Variants in PTCD3 observed in about 807,000 individuals in gnomAD.
PTCD3 encodes pentatricopeptide repeat domain 3, also known as small ribosomal subunit protein mS39.
PTCD3 carries 89 observed loss-of-function variants against 101.9 expected under a neutral mutation model. That is an observed-to-expected ratio of 0.87 (90% confidence interval 0.74 to 1.04). PTCD3 has a LOEUF of 1.04. Ranked by LOEUF, PTCD3 falls within the 50% of genes least tolerant of loss-of-function variation. The probability of loss-of-function intolerance (pLI) is 0.00; values close to 1 mark genes in which losing one functional copy is unlikely to be tolerated. For missense variants in PTCD3, 870 were observed against 828.2 expected (o/e 1.05, Z -0.62); for synonymous variants, 296 against 278.5 (o/e 1.06, Z -0.63).
Position 86,106,243 on chromosome 2 carries a change from C to G in PTCD3, c.-5C>G. 6.2e-7 allele frequency: 1 copy of G among 1,613,810 alleles called. No individual in the cohort carries two copies. Among genetic ancestry groups the G allele is most frequent in the African/African-American group, 1.3e-5 (1 of 75,056 alleles). On this transcript the variant is annotated 5_prime_UTR_variant, in exon 1 of 24. The change creates a new upstream start codon in the 5' untranslated region. Coordinates refer to ENST00000254630, the MANE Select transcript of PTCD3 (RefSeq NM_017952.6). ...TTCCCAACATGCTCTGCAGAGAAAT[C>G]AAAGATGGCGGTTGTATCTGCTGTT...
intron 4 of PTCD3, 133 bp downstream of exon 4, chr2:86,111,291 T>C (rs533873458): frequency 1.1e-5 from 10 of 932,626 alleles, no homozygotes; most frequent in Non-Finnish European, 1.6e-5. Context: ...CTAGAAAGTT[T>C]CTTTAAAATT....
rs1674667351 is a variant in PTCD3 at position 86,140,680 on chromosome 2, AT to A, written c.*3124del. 1 of 152,104 alleles carries A rather than the reference AT, an allele frequency of 6.6e-6. No individual in the cohort carries two copies. The highest frequency in any genetic ancestry group is 2.4e-5 in the African/African-American group (1 of 41,406). 9.4% of individuals were successfully genotyped at this position (152,104 alleles called of 1,614,324 possible). ...TTTACCAAAAAAATGGGTGTATTTG[AT>A]TTGGGTGCTGTAAGGCAATTTGCTA... On this transcript the variant is annotated 3_prime_UTR_variant, in exon 24 of 24. Transcript: ENST00000254630.
rs932690813 is a variant in PTCD3 at position 86,138,999 on chromosome 2, G to A, written c.*1440G>A. 2 of 152,142 alleles carry A rather than the reference G, an allele frequency of 1.3e-5. No individual in the cohort carries two copies. Among genetic ancestry groups the A allele is most frequent in the African/African-American group, 4.8e-5 (2 of 41,424 alleles). The allele number at this position is 152,142 out of a possible 1,614,324, so 9.4% of individuals were successfully genotyped here. Reference sequence around the variant, plus strand: ...GAGTTGATAGGAGAAAATCCATTTGGGTAGATGGCCTATGAATTTGTAGTA... The same window carrying A: ...GAGTTGATAGGAGAAAATCCATTTGAGTAGATGGCCTATGAATTTGTAGTA... On this transcript the variant is annotated 3_prime_UTR_variant, in exon 24 of 24. Coordinates refer to ENST00000254630, the MANE Select transcript of PTCD3 (RefSeq NM_017952.6).
At chr2:86,131,599 A>G (rs1189092922) in intron 16 of PTCD3, among the ~76,000 whole-genome samples, 1 of 152,212 alleles carries the variant, frequency 6.6e-6, no homozygotes, top group Non-Finnish European at 1.5e-5. Flanking sequence ...CTGAACAGAT[A>G]AGCTTCCATA....
intron 8 of PTCD3, among the ~76,000 whole-genome samples, chr2:86,122,891 G>T (rs1674316985): frequency 6.6e-6 from 1 of 152,142 alleles, no homozygotes; most frequent in South Asian, 2.1e-4. Flanking sequence ...CCTCTGCAAT[G>T]CCAACCAAGC....
chr2:86,125,688 G>T, intron 11 of PTCD3, 107 bp from the exon 12 acceptor site: 1 of 1,053,812 alleles, frequency 9.5e-7, no homozygotes, highest in Admixed American at 2.3e-5. Context: ...CAGTTTTGTG[G>T]ACATGTGATT....
intron 14 of PTCD3, among the ~76,000 whole-genome samples, chr2:86,130,226 G>T (rs997787675): frequency 2.6e-5 from 4 of 152,164 alleles, no homozygotes; most frequent in Non-Finnish European, 4.4e-5. Context: ...CTTGAACCCG[G>T]GAGGCGGAGG....
chr2:86,113,516 A>T (rs1674125900), intron 4 of PTCD3, among the ~76,000 whole-genome samples: 2 of 152,158 alleles, frequency 1.3e-5, no homozygotes, highest in Non-Finnish European at 2.9e-5. Flanking sequence ...CTAAAAATGG[A>T]ACTACTAGGC....
At chr2:86,133,788 T>TG (rs1200618143) in intron 19 of PTCD3, among the ~76,000 whole-genome samples, 5 of 152,216 alleles carry the variant, frequency 3.3e-5, no homozygotes, top group African/African-American at 1.2e-4. Flanking sequence ...GTGCCAGTGT[T>TG]GCCTCACTTC....
In PTCD3 at chr2:86,127,232, T is replaced by A. The variant is rs1480601821; in HGVS notation, c.1023T>A (p.Cys341Ter). The A allele has an allele frequency of 3.1e-6, 5 of 1,613,936 alleles. No homozygotes were observed. In the Admixed American group the frequency reaches 8.3e-5, roughly 27 times the overall value. ...NLQTFNTILK[C>*]LRRFHVFARS... ...AGACTTTTAATACCATTCTGAAATG[T>A]CTCCGAAGATTTCATGTGTTTGCAA... Residue 341 changes from cysteine (C) to a stop codon, truncating the protein, a stop_gained, in exon 13 of 24, where the codon TGT becomes TGA. Coordinates refer to ENST00000254630, the MANE Select transcript of PTCD3 (RefSeq NM_017952.6). LOFTEE classifies it high-confidence loss of function.
At chr2:86,108,713 A>C in intron 3 of PTCD3, 177 bp downstream of exon 3, 1 of 538,750 alleles carries the variant, frequency 1.9e-6, no homozygotes, top group Non-Finnish European at 3.3e-6. Flanking sequence ...GGTGGAGAAT[A>C]GTGAGTGAAT....
intron 4 of PTCD3, among the ~76,000 whole-genome samples, chr2:86,113,987 A>G (rs1453681425): frequency 6.6e-6 from 1 of 152,118 alleles, no homozygotes; most frequent in Non-Finnish European, 1.5e-5. Context: ...AAATGTAAAC[A>G]TAGAAATGGA....
At chr2:86,109,025 C>T (rs1674023168) in intron 3 of PTCD3, 1 of 153,032 alleles carries the variant, frequency 6.5e-6, no homozygotes, top group East Asian at 1.9e-4. Flanking sequence ...GGAATTAAAA[C>T]TTCACAAAAG....
Position 86,120,905 on chromosome 2 carries a change from A to G in PTCD3, c.539-574A>G, listed in dbSNP as rs144171730. 6.6e-5 allele frequency among the ~76,000 whole-genome samples: 10 copies of G among 152,310 alleles called. No homozygotes were observed. In the East Asian group the frequency reaches 1.9e-3, roughly 29 times the overall value. Reference sequence around the variant, plus strand: ...AGACCCTATCTCAAAACAAAAAGATACATTTACTTTTCTTATAAGATAGCA... The same window carrying G: ...AGACCCTATCTCAAAACAAAAAGATGCATTTACTTTTCTTATAAGATAGCA... On this transcript the variant is annotated intron_variant, in intron 7 of 23. Transcript: ENST00000254630.
intron 1 of PTCD3, chr2:86,107,223 T>G (rs1033204353): frequency 2.1e-6 from 1 of 471,114 alleles, no homozygotes; most frequent in African/African-American, 2.0e-5. Context: ...AGCATTTTTC[T>G]ACTCATTTTC....
At chr2:86,123,261 T>TCAAAA (rs1341560108) in intron 8 of PTCD3, among the ~76,000 whole-genome samples, 2 of 142,094 alleles carry the variant, frequency 1.4e-5, no homozygotes, top group African/African-American at 5.2e-5. Context: ...GACTCTGTCT[T>TCAAAA]AAAAAAAAAA....
In PTCD3 at chr2:86,132,423, TAGTA is replaced by T; in HGVS notation, c.1373+3_1373+6del. The stretch of plus-strand genomic sequence containing the variant: ...ACCTGATCAACATCGTAATTTCTAT[TAGTA>T]AGTGTGTTGGAAACATATCCTTTTG... On this transcript the variant is annotated splice_donor_variant and splice_donor_region_variant and coding_sequence_variant and intron_variant, in exon 17 of 24. Coordinates refer to ENST00000254630, the MANE Select transcript of PTCD3 (RefSeq NM_017952.6). LOFTEE classifies it high-confidence loss of function. 1.9e-6 allele frequency: 3 copies of T among 1,570,608 alleles called. No individual in the cohort carries two copies. The highest frequency in any genetic ancestry group is 2.6e-6 in the Non-Finnish European group (3 of 1,142,032).
intron 19 of PTCD3, among the ~76,000 whole-genome samples, 160 bp downstream of exon 19, chr2:86,133,596 T>C (rs1558800313): frequency 1.3e-5 from 2 of 152,238 alleles, no homozygotes; most frequent in Non-Finnish European, 2.9e-5. Context: ...TCATGTTGCA[T>C]GTTGGCTATC....
At chr2:86,137,386 G>C in intron 23 of PTCD3, 83 bp from the exon 24 acceptor site, 1 of 1,577,294 alleles carries the variant, frequency 6.3e-7, no homozygotes, top group Non-Finnish European at 8.6e-7. Flanking sequence ...AAACTGACAG[G>C]CTATAGGTGA....
Sources: allele counts gnomAD v4.1 joint callset (sites outside exome capture counted in the v4.1 genomes callset), GRCh38; gene constraint gnomAD v4.1.1; transcripts MANE v1.5; gene names NCBI Gene and HGNC (gene_info 2026-07-23, HGNC 2026-07-21).